Variants in STIM1 observed in about 807,000 individuals in gnomAD.
The protein encoded by STIM1 is stromal interaction molecule 1.
STIM1 carries 25 observed loss-of-function variants against 74.7 expected under a neutral mutation model. The ratio of observed to expected loss-of-function variants is 0.33; its 90% confidence interval spans 0.24 to 0.47. The LOEUF is 0.47. Among genes scored for constraint, STIM1 ranks in the 20% least tolerant of loss-of-function variants. The probability of loss-of-function intolerance (pLI) is 1.00; values close to 1 mark genes in which losing one functional copy is unlikely to be tolerated. For synonymous variants in STIM1, 328 were observed against 348.8 expected (o/e 0.94, Z 0.66); for missense variants, 728 against 920.8 (o/e 0.79, Z 2.71).
intron 7 of STIM1, among the ~76,000 whole-genome samples, chr11:4,075,066 C>T (rs896510572): frequency 1.3e-5 from 2 of 151,722 alleles, no homozygotes; most frequent in African/African-American, 4.8e-5. Context: ...GCCTGAACCC[C>T]GGAGGTGGAG....
intron 2 of STIM1, among the ~76,000 whole-genome samples, chr11:4,016,628 CT>C (rs752134742): frequency 2.4e-4 from 37 of 152,248 alleles, no homozygotes; most frequent in Non-Finnish European, 4.7e-4. Flanking sequence ...TGTCTGCTGC[CT>C]TTTGTTCAGA....
At chr11:4,001,615 C>G (rs373130503) in intron 2 of STIM1, among the ~76,000 whole-genome samples, 1 of 152,136 alleles carries the variant, frequency 6.6e-6, no homozygotes, top group African/African-American at 2.4e-5. Flanking sequence ...ACAACCGGTA[C>G]CAGCCACTGC....
chr11:3,992,081 G>GCTTTTTTTTTTTTTTTTTTTTTTTTTTT lies in STIM1; in HGVS notation c.270+24399_270+24400insCTTTTTTTTTTTTTTTTTTTTTTTTTTT, dbSNP rs376329167. Reference sequence around the variant, plus strand: ...TTTCTCTGCAGCCTTGCCAACATCTGTTTTTTTGTTTTTTTTTTTTTTTTT... The same window carrying GCTTTTTTTTTTTTTTTTTTTTTTTTTTT: ...TTTCTCTGCAGCCTTGCCAACATCTGCTTTTTTTTTTTTTTTTTTTTTTTTTTTTTTTTTTGTTTTTTTTTTTTTTTTT... On this transcript the variant is annotated intron_variant, in intron 2 of 12. Coordinates refer to ENST00000526596, the MANE Select transcript of STIM1 (RefSeq NM_001382567.1). Among the ~76,000 whole-genome samples, 3 of 91,988 alleles carry GCTTTTTTTTTTTTTTTTTTTTTTTTTTT rather than the reference G, an allele frequency of 3.3e-5. 1 individual carries two copies. Among genetic ancestry groups the GCTTTTTTTTTTTTTTTTTTTTTTTTTTT allele is most frequent in the Admixed American group, 1.2e-4 (1 of 8,106 alleles). 60.3% of individuals were successfully genotyped at this position (91,988 alleles called of 152,430 possible).
chr11:3,856,469 G>A, intron 1 of STIM1, 60 bp downstream of exon 1: 2 of 1,572,606 alleles, frequency 1.3e-6, no homozygotes, highest in African/African-American at 1.4e-5. Context: ...TGAGTGGCCC[G>A]AAGTGGGCAA....
At chr11:4,075,006 C>T (rs2094429842) in intron 7 of STIM1, among the ~76,000 whole-genome samples, 1 of 151,856 alleles carries the variant, frequency 6.6e-6, no homozygotes, top group Non-Finnish European at 1.5e-5. Context: ...CCGGGTGTGG[C>T]GGCGGGCACC....
chr11:3,861,486 G>A (rs1024487164), intron 1 of STIM1, among the ~76,000 whole-genome samples: 19 of 152,166 alleles, frequency 1.2e-4, no homozygotes, highest in African/African-American at 9.6e-5. Context: ...TGCCTGCCTC[G>A]GCCTCCCAAA....
intron 1 of STIM1, among the ~76,000 whole-genome samples, chr11:3,895,931 G>A (rs187289516): frequency 1.2e-4 from 17 of 138,934 alleles, no homozygotes; most frequent in Non-Finnish European, 2.1e-4. Flanking sequence ...TTGAGATGGA[G>A]TCTTGCTCTG....
intron 1 of STIM1, among the ~76,000 whole-genome samples, chr11:3,905,803 A>T (rs2092456375): frequency 6.6e-6 from 1 of 151,828 alleles, no homozygotes; most frequent in South Asian, 2.1e-4. Context: ...TCCCAGTGCT[A>T]TTTTTTTTCC....
chr11:3,878,863 C>T (rs10835231), intron 1 of STIM1, among the ~76,000 whole-genome samples: 37,008 of 152,078 alleles, frequency 0.24, 5,724 homozygotes, highest in South Asian at 0.41. Context: ...TATCTTCCCC[C>T]GACAGTTTGG....
chr11:4,085,888 G>A (rs751261412), intron 11 of STIM1, among the ~76,000 whole-genome samples: 1 of 152,100 alleles, frequency 6.6e-6, no homozygotes, highest in African/African-American at 2.4e-5. Context: ...CATTTTAATA[G>A]GCATTTTTCC....
At chr11:4,091,156 C>A in intron 12 of STIM1, 126 bp from the exon 13 acceptor site, 2 of 1,316,148 alleles carry the variant, frequency 1.5e-6, no homozygotes, top group Non-Finnish European at 2.2e-6. Context: ...CTCTCTCCTG[C>A]CGCTCTATCC....
Position 4,091,359 on chromosome 11 carries a change from T to G in STIM1, c.1712T>G (p.Met571Arg), listed in dbSNP as rs1390592487. ...CGTGTGGCCCCCAAACCTCCTCAGATGAGCCGTGCTGCAGACGAGGCTCTC... is the reference window on the plus strand; with the variant it reads ...CGTGTGGCCCCCAAACCTCCTCAGAGGAGCCGTGCTGCAGACGAGGCTCTC... ...RQRVAPKPPQ[M>R]SRAADEALNA... The change falls in exon 13 of 13, where the codon ATG (methionine) becomes AGG (arginine). Residue 571 changes from methionine (M) to arginine (R), a missense_variant. Coordinates refer to ENST00000526596, the MANE Select transcript of STIM1 (RefSeq NM_001382567.1). 2 of 1,614,242 alleles carry G rather than the reference T, an allele frequency of 1.2e-6. No homozygotes were observed. Among genetic ancestry groups the G allele is most frequent in the Admixed American group, 3.3e-5 (2 of 60,028 alleles).
chr11:3,902,390 C>T (rs1206158852), intron 1 of STIM1, among the ~76,000 whole-genome samples: 1 of 152,182 alleles, frequency 6.6e-6, no homozygotes, highest in Non-Finnish European at 1.5e-5. Flanking sequence ...ATCTTTTTGG[C>T]ACCAGGGATC....
intron 2 of STIM1, among the ~76,000 whole-genome samples, chr11:3,982,923 T>C (rs2093520567): frequency 6.6e-6 from 1 of 152,056 alleles, no homozygotes; most frequent in African/African-American, 2.4e-5. Context: ...TTGATTTCTA[T>C]CTCCATTTTT....
At chr11:4,011,088 T>C (rs982843305) in intron 2 of STIM1, among the ~76,000 whole-genome samples, 2 of 152,250 alleles carry the variant, frequency 1.3e-5, no homozygotes, top group African/African-American at 4.8e-5. Context: ...ATGGTGTATA[T>C]ATGCCACATT....
intron 2 of STIM1, among the ~76,000 whole-genome samples, chr11:4,006,483 C>T (rs1040866285): frequency 1.3e-4 from 20 of 152,178 alleles, no homozygotes; most frequent in African/African-American, 4.1e-4. Flanking sequence ...GGCACAATCT[C>T]GGCTCCCTGC....
At chr11:3,861,315 G>C (rs970997069) in intron 1 of STIM1, among the ~76,000 whole-genome samples, 1 of 151,076 alleles carries the variant, frequency 6.6e-6, no homozygotes, top group Non-Finnish European at 1.5e-5. Context: ...CTCACTGCAA[G>C]CTCCACCTCC....
intron 1 of STIM1, among the ~76,000 whole-genome samples, chr11:3,874,970 A>G (rs1477383751): frequency 6.8e-6 from 1 of 146,728 alleles, no homozygotes; most frequent in Admixed American, 6.8e-5. Context: ...TTTTTTTTTT[A>G]ATTTTTATTT....
At chr11:4,070,831 AAG>A (rs1191436449) in intron 6 of STIM1, among the ~76,000 whole-genome samples, 1 of 152,222 alleles carries the variant, frequency 6.6e-6, no homozygotes, top group Non-Finnish European at 1.5e-5. Flanking sequence ...TAACTGTGAA[AAG>A]AGAGTGCCCG....
Sources: allele counts gnomAD v4.1 joint callset (sites outside exome capture counted in the v4.1 genomes callset), GRCh38; gene constraint gnomAD v4.1.1; transcripts MANE v1.5; gene names NCBI Gene and HGNC (gene_info 2026-07-23, HGNC 2026-07-21).